The following BIRC6 variants were observed in gnomAD, a reference collection of about 807,000 sequenced individuals.
BIRC6 encodes the protein dual E2 ubiquitin-conjugating enzyme/E3 ubiquitin-protein ligase BIRC6.
In BIRC6, 98 loss-of-function variants were observed where a neutral mutation model predicts 503.3. The ratio of observed to expected loss-of-function variants is 0.19; its 90% confidence interval spans 0.17 to 0.23. BIRC6 has a LOEUF of 0.23. Among genes scored for constraint, BIRC6 ranks in the 10% least tolerant of loss-of-function variants. The pLI, the probability that BIRC6 is intolerant of heterozygous loss-of-function variation, is 1.00. For synonymous variants in BIRC6, 2,240 were observed against 2,078.7 expected (o/e 1.08, Z -2.11); for missense variants, 5,360 against 5,806.0 (o/e 0.92, Z 2.50).
At chr2:32,608,572 G>A (rs924683210) in intron 72 of BIRC6, among the ~76,000 whole-genome samples, 1 of 146,664 alleles carries the variant, frequency 6.8e-6, no homozygotes, top group Non-Finnish European at 1.5e-5. Flanking sequence ...GTGGCACCAC[G>A]CCTGGCTAAT....
chr2:32,468,153 A>G, intron 28 of BIRC6, 42 bp downstream of exon 28: 2 of 1,550,310 alleles, frequency 1.3e-6, no homozygotes, highest in Non-Finnish European at 8.8e-7. Context: ...GAAACTTTGT[A>G]TTTTATATAA....
At chr2:32,431,529 G>C (rs1001003292) in intron 12 of BIRC6, among the ~76,000 whole-genome samples, 1 of 152,068 alleles carries the variant, frequency 6.6e-6, no homozygotes, top group African/African-American at 2.4e-5. Flanking sequence ...AAGATATACA[G>C]TAATATACTT....
chr2:32,488,011 A>G (rs1162498274), intron 41 of BIRC6, among the ~76,000 whole-genome samples: 2 of 145,374 alleles, frequency 1.4e-5, no homozygotes, highest in Non-Finnish European at 1.5e-5. Context: ...TAGCTTCAGT[A>G]CTTTAATTCC....
intron 61 of BIRC6, among the ~76,000 whole-genome samples, chr2:32,532,658 CT>C (rs778146976): frequency 5.3e-5 from 8 of 152,084 alleles, no homozygotes; most frequent in Non-Finnish European, 8.8e-5. Context: ...CACAATAATA[CT>C]TATTCATGTT....
intron 4 of BIRC6, among the ~76,000 whole-genome samples, chr2:32,391,077 A>G (rs760260250): frequency 2.6e-5 from 4 of 152,222 alleles, no homozygotes; most frequent in Non-Finnish European, 4.4e-5. Flanking sequence ...TCTGAGATCT[A>G]TGCCTATTTT....
chr2:32,612,721 T>A (rs1285837025), intron 73 of BIRC6, among the ~76,000 whole-genome samples: 2 of 152,094 alleles, frequency 1.3e-5, no homozygotes, highest in African/African-American at 4.8e-5. Context: ...GGGCCATGAG[T>A]TGATAATGGT....
intron 60 of BIRC6, among the ~76,000 whole-genome samples, chr2:32,530,956 A>G (rs1368641025): frequency 6.6e-6 from 1 of 152,236 alleles, no homozygotes; most frequent in Admixed American, 6.5e-5. Context: ...AGAGCATATT[A>G]TTTGCTATGA....
At chr2:32,545,064 G>A (rs2057961462) in intron 62 of BIRC6, among the ~76,000 whole-genome samples, 1 of 151,924 alleles carries the variant, frequency 6.6e-6, no homozygotes, top group African/African-American at 2.4e-5. Flanking sequence ...AAAAAAAATG[G>A]CTTTCTGTAA....
intron 23 of BIRC6, among the ~76,000 whole-genome samples, chr2:32,455,379 CAAA>C (rs758202958): frequency 1.2e-4 from 11 of 88,712 alleles, no homozygotes; most frequent in Non-Finnish European, 1.1e-4. Flanking sequence ...ACTCTGTCTC[CAAA>C]AAAAAAAAAA....
rs1336541260 is a variant in BIRC6, at chr2:32,430,556, C to G, written c.3023-309C>G. On this transcript the variant is annotated intron_variant, in intron 11 of 73. Transcript: ENST00000421745. ...CACTTTAGTACCACTGCTTTTCTTG[C>G]CATCCTTATTAGGGCTAAAGTTCAG... is the stretch of plus-strand genomic sequence containing the variant. 7.9e-5 allele frequency among the ~76,000 whole-genome samples: 12 copies of G among 152,120 alleles called. No individual in the cohort carries two copies. In the South Asian group the frequency reaches 1.9e-3, roughly 24 times the overall value.
At position 32,510,568 on chromosome 2, in the gene BIRC6, CT is replaced by C; in HGVS notation, c.10282del (p.Ser3428LeufsTer5). 6.2e-7 allele frequency: 1 copy of C among 1,610,128 alleles called. No individual in the cohort carries two copies. Among genetic ancestry groups the C allele is most frequent in the Non-Finnish European group, 8.5e-7 (1 of 1,176,476 alleles). ...PLLFGRLNGL[S>X]SDSTIDILYQ... ...CTTTTTGGAAGACTAAATGGACTCT[CT>C]TCTGACTCTACGATAGATATTCTTT... On this transcript the variant is annotated frameshift_variant, in exon 53 of 74. Transcript: ENST00000421745. LOFTEE classifies it high-confidence loss of function.
rs537785758 is a variant in BIRC6 at position 32,509,896 on chromosome 2, T to C, written c.10139T>C (p.Val3380Ala). Residue 3380 changes from valine (V) to alanine (A), a missense_variant, in exon 52 of 74, where the codon GTT becomes GCT. Val to Ala is a moderately conservative substitution (Grantham distance 64). Around this residue, in one of 16 missense-constraint regions of BIRC6, gnomAD observed 878 missense variants for 928.9 expected, o/e 0.95. Coordinates refer to ENST00000421745, the MANE Select transcript of BIRC6 (RefSeq NM_016252.4). ...GGAATGCATTCACCCAACATCGAGG[T>C]TGTGCTTGTAAAGATAGGACTGCAG... is the stretch of plus-strand genomic sequence containing the variant. ...YCGMHSPNIE[V>A]VLVKIGLQST... 1.9e-4 allele frequency: 305 copies of C among 1,613,894 alleles called. 2 individuals carry two copies. The South Asian group carries it at 3.2e-3, about 17-fold the overall frequency.
At chr2:32,411,399 T>TTATATA (rs71991258) in intron 9 of BIRC6, among the ~76,000 whole-genome samples, 1 of 140,906 alleles carries the variant, frequency 7.1e-6, no homozygotes, top group Admixed American at 7.1e-5. Flanking sequence ...ATTAAGGCAA[T>TTATATA]TATATATATA....
At chr2:32,538,243 C>T (rs2057390525) in intron 61 of BIRC6, among the ~76,000 whole-genome samples, 1 of 152,036 alleles carries the variant, frequency 6.6e-6, no homozygotes, top group African/African-American at 2.4e-5. Context: ...TGAGGAGCTC[C>T]AAATTCTGCA....
At chr2:32,511,980 C>A (rs932296198) in intron 53 of BIRC6, among the ~76,000 whole-genome samples, 1 of 152,028 alleles carries the variant, frequency 6.6e-6, no homozygotes, top group Non-Finnish European at 1.5e-5. Context: ...TGCTTGAAAT[C>A]TGTTAGGATT....
At chr2:32,520,676 G>A (rs957717307) in intron 57 of BIRC6, among the ~76,000 whole-genome samples, 1 of 152,132 alleles carries the variant, frequency 6.6e-6, no homozygotes, top group Non-Finnish European at 1.5e-5. Flanking sequence ...AATTAGTTGG[G>A]TATGATAGCG....
chr2:32,448,476 C>T (rs1037838956), intron 21 of BIRC6, among the ~76,000 whole-genome samples: 73 of 152,014 alleles, frequency 4.8e-4, no homozygotes, highest in African/African-American at 1.7e-3. Flanking sequence ...CAGCAAAACC[C>T]CGTCTCCACC....
At chr2:32,487,066 C>G (rs192764063) in intron 40 of BIRC6, among the ~76,000 whole-genome samples, 5 of 151,868 alleles carry the variant, frequency 3.3e-5, no homozygotes, top group Non-Finnish European at 5.9e-5. Flanking sequence ...TCCTCTTTAT[C>G]TTTTGATTAT....
At chr2:32,435,787 G>C (rs1485452136) in intron 14 of BIRC6, among the ~76,000 whole-genome samples, 1 of 152,110 alleles carries the variant, frequency 6.6e-6, no homozygotes, top group Non-Finnish European at 1.5e-5. Flanking sequence ...ATGCATTCTT[G>C]GTTTTTAATA....
Sources: allele counts gnomAD v4.1 joint callset (sites outside exome capture counted in the v4.1 genomes callset), GRCh38; gene constraint gnomAD v4.1.1; regional missense constraint gnomAD v4.1.1; transcripts MANE v1.5; gene names NCBI Gene and HGNC (gene_info 2026-07-23, HGNC 2026-07-21).